PHYHIPL: variants seen among roughly 807,000 people sequenced by gnomAD.
The protein encoded by PHYHIPL is phytanoyl-CoA hydroxylase-interacting protein-like.
A neutral mutation model predicts 33.4 loss-of-function variants in PHYHIPL; 9 were observed. The observed-to-expected ratio is 0.27, with a 90% CI of 0.16 to 0.47. The LOEUF (loss-of-function observed/expected upper bound fraction) is 0.47, where lower values mean the gene tolerates loss of function less well. Ranked by LOEUF, PHYHIPL falls within the 20% of genes least tolerant of loss-of-function variation. The probability of loss-of-function intolerance (pLI) is 0.99; values close to 1 mark genes in which losing one functional copy is unlikely to be tolerated. For synonymous variants in PHYHIPL, 153 were observed against 154.1 expected, an observed-to-expected ratio of 0.99 and a Z score of 0.05; for missense variants, 365 against 460.7, an observed-to-expected ratio of 0.79 and a Z score of 1.90.
chr10:59,186,735 G>C (rs570549881), intron 1 of PHYHIPL, among the ~76,000 whole-genome samples: 1 of 152,220 alleles, frequency 6.6e-6, no homozygotes, highest in South Asian at 2.1e-4. Flanking sequence ...GTTGTGAATG[G>C]GAGTTCACTC....
At chr10:59,244,953 C>A in intron 4 of PHYHIPL, 104 bp from the exon 5 acceptor site, 1 of 1,168,704 alleles carries the variant, frequency 8.6e-7, no homozygotes, top group Non-Finnish European at 1.2e-6. Context: ...GAGAGGTATT[C>A]AGGCCTTTAA....
intron 1 of PHYHIPL, among the ~76,000 whole-genome samples, chr10:59,184,256 A>G (rs1217656876): frequency 1.3e-5 from 2 of 152,168 alleles, no homozygotes; most frequent in South Asian, 2.1e-4. Context: ...CATACTGTCT[A>G]TGGCTACTTT....
intron 1 of PHYHIPL, among the ~76,000 whole-genome samples, chr10:59,184,497 A>G (rs1838508436): frequency 6.6e-6 from 1 of 152,188 alleles, no homozygotes; most frequent in Admixed American, 6.5e-5. Flanking sequence ...CGATTAGGCG[A>G]GTCAGGCAGA....
At chr10:59,180,257 T>TACACACACAC (rs140480148) in intron 1 of PHYHIPL, among the ~76,000 whole-genome samples, 8 of 118,940 alleles carry the variant, frequency 6.7e-5, no homozygotes, top group South Asian at 2.7e-4. Flanking sequence ...ATCATATATA[T>TACACACACAC]ACACACACAC....
At chr10:59,176,361 G>A (rs1295881402), upstream of PHYHIPL, among the ~76,000 whole-genome samples, 1 of 152,164 alleles carries the variant, frequency 6.6e-6, no homozygotes, top group African/African-American at 2.4e-5. Context: ...CACCAGGAGA[G>A]AGGGCGAGGC....
intron 1 of PHYHIPL, among the ~76,000 whole-genome samples, chr10:59,223,670 AT>A (rs112103554): frequency 4.7e-5 from 7 of 149,880 alleles, no homozygotes; most frequent in East Asian, 2.0e-4. Flanking sequence ...CAGTTTAACT[AT>A]TTTTTTTTTG....
At position 59,245,065 on chromosome 10, in the gene PHYHIPL, A is replaced by T. The variant is rs1411557143; in HGVS notation, c.605A>T (p.His202Leu). ...CTTGTTTTCTCTTGCAGAGAACATC[A>T]TGGGAATGCTATGCAGCCATCTGTC... is the stretch of plus-strand genomic sequence containing the variant. The part of the protein sequence containing the change: ...KEYFDYVREH[H>L]GNAMQPSVKD... Residue 202 changes from histidine to leucine, a missense_variant, in exon 5 of 5, where the codon CAT becomes CTT. Transcript: ENST00000373880. The T allele has an allele frequency of 5.0e-6, 8 of 1,607,566 alleles. No homozygotes were observed. In the East Asian group the frequency reaches 1.6e-4, roughly 31 times the overall value.
chr10:59,234,435 A>C lies in PHYHIPL; in HGVS notation c.238A>C (p.Ile80Leu), dbSNP rs1445560592. 5 of 1,599,656 alleles carry C rather than the reference A, an allele frequency of 3.1e-6. No individual in the cohort carries two copies. The highest frequency in any genetic ancestry group is 4.3e-6 in the Non-Finnish European group (5 of 1,175,248). ...WEMDSKSKDRITHYFIDLNKK... is the reference protein window; with the variant it reads ...WEMDSKSKDRLTHYFIDLNKK... Reference sequence around the variant, plus strand: ...AATGGATTCAAAATCAAAGGATCGCATTACACACTATTTTATTGACCTCAA... The same window carrying C: ...AATGGATTCAAAATCAAAGGATCGCCTTACACACTATTTTATTGACCTCAA... The change falls in exon 2 of 5, where the codon ATT becomes CTT. Residue 80 changes from isoleucine to leucine, a missense_variant. Physicochemically the swap from Ile to Leu is conservative, Grantham distance 5 (BLOSUM62 2). This residue lies in a region of PHYHIPL where 63 missense variants were observed against 119.3 expected (regional missense o/e 0.53). Coordinates refer to ENST00000373880, the MANE Select transcript of PHYHIPL (RefSeq NM_032439.4).
chr10:59,244,235 GC>G (rs1840538088), intron 4 of PHYHIPL, among the ~76,000 whole-genome samples: 1 of 152,074 alleles, frequency 6.6e-6, no homozygotes, highest in South Asian at 2.1e-4. Context: ...TAAGCAAAAT[GC>G]CAGAGAAATA....
intron 4 of PHYHIPL, among the ~76,000 whole-genome samples, chr10:59,241,251 T>C (rs1840385516): frequency 6.6e-6 from 1 of 152,132 alleles, no homozygotes; most frequent in Non-Finnish European, 1.5e-5. Flanking sequence ...TTATTCAGAA[T>C]GCTTGAATAG....
intron 1 of PHYHIPL, among the ~76,000 whole-genome samples, chr10:59,196,575 C>T (rs543269475): frequency 1.3e-5 from 2 of 151,970 alleles, no homozygotes; most frequent in South Asian, 2.1e-4. Flanking sequence ...CCCACCACCA[C>T]GCCAGGCTAA....
upstream of PHYHIPL, among the ~76,000 whole-genome samples, chr10:59,176,036 G>C (rs553318697): frequency 6.6e-6 from 1 of 152,132 alleles, no homozygotes; most frequent in African/African-American, 2.4e-5. Flanking sequence ...CAGTGTCGTG[G>C]ACTGGCAAAA....
chr10:59,185,082 C>T (rs1422555217), intron 1 of PHYHIPL, among the ~76,000 whole-genome samples: 1 of 150,064 alleles, frequency 6.7e-6, no homozygotes, highest in Non-Finnish European at 1.5e-5. Context: ...GCTCCGCCTC[C>T]CAGGTTCACG....
chr10:59,222,168 C>T (rs114834094), intron 1 of PHYHIPL, among the ~76,000 whole-genome samples: 4,669 of 151,726 alleles, frequency 0.031, 238 homozygotes, highest in African/African-American at 0.11. Context: ...TCAAACAAGC[C>T]CAGGAATTAT....
At chr10:59,179,662 T>C (rs997078483) in intron 1 of PHYHIPL, among the ~76,000 whole-genome samples, 2 of 152,156 alleles carry the variant, frequency 1.3e-5, no homozygotes, top group Non-Finnish European at 2.9e-5. Flanking sequence ...TTATGTTTCA[T>C]TGGATTTTTT....
chr10:59,177,047 G>A, intron 1 of PHYHIPL, 88 bp downstream of exon 1: 2 of 1,149,964 alleles, frequency 1.7e-6, no homozygotes, highest in Non-Finnish European at 2.5e-6. Context: ...CGCTCGCCAG[G>A]GCGGCAGGGT....
upstream of PHYHIPL, among the ~76,000 whole-genome samples, chr10:59,176,436 G>A (rs539242092): frequency 6.6e-6 from 1 of 152,124 alleles, no homozygotes; most frequent in South Asian, 2.1e-4. Flanking sequence ...CACGCGCGAG[G>A]TTGCCTTGGC....
chr10:59,221,887 T>G (rs1839788062), intron 1 of PHYHIPL, among the ~76,000 whole-genome samples: 1 of 152,010 alleles, frequency 6.6e-6, no homozygotes, highest in South Asian at 2.1e-4. Flanking sequence ...GAGGAAAACT[T>G]TTCGTTAATA....
chr10:59,231,822 CA>C (rs1230614753), intron 1 of PHYHIPL, among the ~76,000 whole-genome samples: 1 of 151,952 alleles, frequency 6.6e-6, no homozygotes, highest in Non-Finnish European at 1.5e-5. Context: ...TATTAATTCA[CA>C]AAGCATCACT....
Sources: allele counts gnomAD v4.1 joint callset (sites outside exome capture counted in the v4.1 genomes callset), GRCh38; gene constraint gnomAD v4.1.1; regional missense constraint gnomAD v4.1.1; transcripts MANE v1.5; gene names NCBI Gene and HGNC (gene_info 2026-07-23, HGNC 2026-07-21).